ODAD2: variants seen among roughly 807,000 people sequenced by gnomAD.
ODAD2 encodes the protein outer dynein arm docking complex subunit 2.
Under a neutral mutation model 106.8 loss-of-function variants are expected in ODAD2, and 89 were observed. That is an observed-to-expected ratio of 0.83 (90% confidence interval 0.70 to 0.99). The LOEUF is 0.99. ODAD2 is among the 50% of genes least tolerant of loss of function. The probability of loss-of-function intolerance (pLI) is 0.00; values close to 1 mark genes in which losing one functional copy is unlikely to be tolerated. For missense variants in ODAD2, 1,168 were observed against 1,238.5 expected, an observed-to-expected ratio of 0.94 and a Z score of 0.85; for synonymous variants, 404 against 436.2, an observed-to-expected ratio of 0.93 and a Z score of 0.92.
intron 10 of ODAD2, chr10:27,956,942 A>G (rs1425034714): frequency 1.3e-5 from 2 of 152,210 alleles, no homozygotes; most frequent in African/African-American, 2.4e-5. Flanking sequence ...AATATCCTAC[A>G]TCCCTTCTCC....
intron 10 of ODAD2, chr10:27,957,416 G>T (rs1847810838): frequency 6.6e-6 from 1 of 152,158 alleles, no homozygotes; most frequent in Non-Finnish European, 1.5e-5. Flanking sequence ...GATGCCCTGC[G>T]AGATACAGCA....
At chr10:27,919,417 A>C (rs1181171351) in intron 16 of ODAD2, among the ~76,000 whole-genome samples, 3 of 152,094 alleles carry the variant, frequency 2.0e-5, no homozygotes, top group Non-Finnish European at 4.4e-5. Context: ...TCCACAGTAC[A>C]TATATCTAAT....
At chr10:27,936,609 A>G (rs1845991249) in intron 15 of ODAD2, 117 bp downstream of exon 15, 1 of 1,184,394 alleles carries the variant, frequency 8.4e-7, no homozygotes. Flanking sequence ...AACTTCATCC[A>G]GAATGTACAT....
rs1491336939 is a variant in ODAD2 at position 27,923,957 on chromosome 10, A to AGAAG, written c.2495+11052_2495+11053insCTTC. ...AGACCCTGTCTAATGAAAGAAAGAA[A>AGAAG]GAAAGAAAGAAAGAAAGAAAGAAAG... is the stretch of plus-strand genomic sequence containing the variant. On this transcript the variant is annotated intron_variant, in intron 16 of 19. Coordinates refer to ENST00000305242, the MANE Select transcript of ODAD2 (RefSeq NM_018076.5). 2.4e-3 allele frequency among the ~76,000 whole-genome samples: 221 copies of AGAAG among 91,674 alleles called. 1 individual carries two copies. Among genetic ancestry groups the AGAAG allele is most frequent in the African/African-American group, 0.011 (210 of 19,974 alleles). 60.1% of individuals were successfully genotyped at this position (91,674 alleles called of 152,430 possible).
At chr10:27,830,626 G>T (rs1837403031) in intron 19 of ODAD2, among the ~76,000 whole-genome samples, 2 of 152,138 alleles carry the variant, frequency 1.3e-5, no homozygotes, top group African/African-American at 4.8e-5. Context: ...CTCCATTGGG[G>T]GCCCCCTAAA....
At chr10:27,976,199 G>A (rs1466213564) in intron 7 of ODAD2, among the ~76,000 whole-genome samples, 1 of 150,924 alleles carries the variant, frequency 6.6e-6, no homozygotes, top group Admixed American at 6.6e-5. Flanking sequence ...AGGAACAAGA[G>A]ACCATTTCTA....
chr10:27,894,775 C>T (rs1043390313), intron 17 of ODAD2, among the ~76,000 whole-genome samples: 2 of 151,842 alleles, frequency 1.3e-5, no homozygotes, highest in Admixed American at 1.3e-4. Flanking sequence ...TATGCTCCCC[C>T]AGCTGACCTC....
intron 19 of ODAD2, among the ~76,000 whole-genome samples, chr10:27,830,267 A>C (rs1377445043): frequency 2.6e-5 from 4 of 152,170 alleles, no homozygotes; most frequent in African/African-American, 7.2e-5. Context: ...CTACCTGGTG[A>C]CAGTAGCCTC....
intron 16 of ODAD2, among the ~76,000 whole-genome samples, chr10:27,926,399 C>T (rs1192549688): frequency 6.8e-6 from 1 of 146,690 alleles, no homozygotes; most frequent in African/African-American, 2.5e-5. Context: ...ATGGCAGAGG[C>T]GGAAAAAAAA....
rs776356271 is a variant in ODAD2, at chr10:27,971,180, T to C, written c.1070A>G (p.Asn357Ser). The change falls in exon 8 of 20, where the codon AAT becomes AGT. Residue 357 changes from asparagine (N) to serine (S), a missense_variant. Asn to Ser is a conservative substitution (Grantham distance 46). Transcript: ENST00000305242. ...CTTGGTCATTTGATTCCTCCAAAAA[T>C]TAATTTGGTTCTTCTCCAGTGACCT... Reference protein sequence around the residue: ...DKRSLEKNQINFWRNQMTKRW... With the variant: ...DKRSLEKNQISFWRNQMTKRW... The C allele has an allele frequency of 6.2e-7, 1 of 1,614,028 alleles. No homozygotes were observed. The highest frequency in any genetic ancestry group is 1.7e-5 in the Admixed American group (1 of 60,010).
intron 1 of ODAD2, 88 bp from the exon 2 acceptor site, chr10:27,995,268 C>T: frequency 7.6e-7 from 1 of 1,321,570 alleles, no homozygotes; most frequent in Non-Finnish European, 1.0e-6. Flanking sequence ...ACTAGTACTC[C>T]CCATCCCACA....
chr10:27,962,370 T>C (rs1431721806), intron 9 of ODAD2, among the ~76,000 whole-genome samples: 3 of 152,232 alleles, frequency 2.0e-5, no homozygotes, highest in South Asian at 4.1e-4. Flanking sequence ...GCCTCGTGGT[T>C]ACCACACTGG....
intron 17 of ODAD2, among the ~76,000 whole-genome samples, chr10:27,904,832 T>C (rs549542021): frequency 2.3e-3 from 357 of 152,320 alleles, no homozygotes; most frequent in African/African-American, 8.3e-3. Flanking sequence ...TAAATCAACT[T>C]GGAGGGAATG....
At chr10:27,997,158 G>A (rs1216201030) in intron 1 of ODAD2, among the ~76,000 whole-genome samples, 5 of 152,132 alleles carry the variant, frequency 3.3e-5, no homozygotes. Flanking sequence ...AATTTGTTCT[G>A]GGTGTTTGTT....
intron 19 of ODAD2, among the ~76,000 whole-genome samples, chr10:27,819,999 C>T (rs897174522): frequency 2.0e-5 from 3 of 152,162 alleles, no homozygotes; most frequent in Non-Finnish European, 2.9e-5. Context: ...ACAAAGCAAG[C>T]GTTCCATGAA....
At chr10:27,844,097 C>A (rs1285539114) in intron 19 of ODAD2, among the ~76,000 whole-genome samples, 1 of 152,084 alleles carries the variant, frequency 6.6e-6, no homozygotes, top group African/African-American at 2.4e-5. Context: ...ACTGGGGAGG[C>A]CGAGGCAGAC....
intron 17 of ODAD2, among the ~76,000 whole-genome samples, chr10:27,896,437 C>G (rs1385109771): frequency 6.6e-6 from 1 of 152,152 alleles, no homozygotes; most frequent in Admixed American, 6.5e-5. Flanking sequence ...AATTCAAGTA[C>G]ATAGATTGAT....
rs187060682 is a variant in ODAD2, at chr10:27,856,337, T to A, written c.3021+4288A>T. 4.6e-5 allele frequency among the ~76,000 whole-genome samples: 7 copies of A among 152,286 alleles called. No homozygotes were observed. In the East Asian group the frequency reaches 1.4e-3, roughly 29 times the overall value. On this transcript the variant is annotated intron_variant, in intron 19 of 19. Coordinates refer to ENST00000305242, the MANE Select transcript of ODAD2 (RefSeq NM_018076.5). ...ACACAAGCTGATTTTTCAACATAAG[T>A]GGATCAGGAAATCCTTGTTGACCTC...
intron 16 of ODAD2, among the ~76,000 whole-genome samples, chr10:27,927,909 G>T (rs920641976): frequency 2.6e-5 from 4 of 151,830 alleles, no homozygotes; most frequent in African/African-American, 9.7e-5. Context: ...ATATATCCAT[G>T]ACATAAGTTA....
Sources: gnomAD v4.1 joint callset for allele counts (sites outside exome capture counted in the v4.1 genomes callset) on GRCh38, gnomAD v4.1.1 for gene constraint, MANE v1.5 for transcripts, NCBI Gene and HGNC (gene_info 2026-07-23, HGNC 2026-07-21) for gene names.